Variants in TMEM80 observed in about 807,000 individuals in gnomAD.
TMEM80 encodes transmembrane protein 80.
TMEM80 carries 16 observed loss-of-function variants against 13.6 expected under a neutral mutation model. The ratio of observed to expected loss-of-function variants is 1.17; its 90% CI spans 0.79 to 1.78. The LOEUF (loss-of-function observed/expected upper bound fraction) is 1.78. TMEM80 is among the 40% of genes most tolerant of loss of function. The pLI, the probability that TMEM80 is intolerant of heterozygous loss-of-function variation, is 0.00. For synonymous variants in TMEM80, 92 were observed against 89.5 expected, an observed-to-expected ratio of 1.03 and a Z score of -0.16; for missense variants, 167 against 184.6, an observed-to-expected ratio of 0.90 and a Z score of 0.55.
chr11:696,577 C>G (rs1165137565), intron 1 of TMEM80, among the ~76,000 whole-genome samples: 1 of 151,914 alleles, frequency 6.6e-6, no homozygotes, highest in Non-Finnish European at 1.5e-5. Flanking sequence ...CCAGCCTGGG[C>G]AACATAGCAA....
chr11:695,722 C>T (rs757801113), upstream of TMEM80: 6 of 1,240,370 alleles, frequency 4.8e-6, no homozygotes, highest in South Asian at 3.8e-5. Flanking sequence ...AAACGCGGCG[C>T]GGTCGGGCCC....
In TMEM80 at chr11:700,222, G is replaced by A; in HGVS notation, c.120G>A (p.Met40Ile). The change falls in exon 3 of 5, where the codon ATG becomes ATA. Residue 40 changes from methionine (M) to isoleucine (I), a missense_variant. Physicochemically the swap from Met to Ile is conservative, Grantham distance 10 (BLOSUM62 1). Coordinates refer to ENST00000397510, the MANE Select transcript of TMEM80 (RefSeq NM_001042463.3). ...YALYFLATLLMITYKSQVFSY... is the reference protein window; with the variant it reads ...YALYFLATLLIITYKSQVFSY... ...TGTATTTCCTCGCCACGCTCCTGATGATCACGTATAAAAGTAAGTCAGGGA... is the reference window on the plus strand; with the variant it reads ...TGTATTTCCTCGCCACGCTCCTGATAATCACGTATAAAAGTAAGTCAGGGA... 6.2e-7 allele frequency: 1 copy of A among 1,613,646 alleles called. No individual in the cohort carries two copies. The highest frequency in any genetic ancestry group is 8.5e-7 in the Non-Finnish European group (1 of 1,179,876).
At chr11:698,954 C>G in intron 2 of TMEM80, 66 bp downstream of exon 2, 1 of 1,595,262 alleles carries the variant, frequency 6.3e-7, no homozygotes, top group Non-Finnish European at 8.6e-7. Flanking sequence ...ACAGAGAGCA[C>G]TCGGCCTCAC....
Position 703,658 on chromosome 11 carries a change from G to C in TMEM80, c.*508G>C. ...AGACGCAGGATGGGGTAGGCCTTGT[G>C]CTCTGAGCAACCCCAGCTCTGCCTC... On this transcript the variant is annotated 3_prime_UTR_variant, in exon 5 of 5. Coordinates refer to ENST00000397510, the MANE Select transcript of TMEM80 (RefSeq NM_001042463.3). The C allele has an allele frequency of 1.6e-6, 2 of 1,232,644 alleles. No homozygotes were observed. The highest frequency in any genetic ancestry group is 8.2e-5 in the South Asian group (2 of 24,422). 76.4% of individuals were successfully genotyped at this position (1,232,644 alleles called of 1,614,324 possible). A position where few individuals can be genotyped will look rare whatever the true frequency, so the allele number is the denominator to read the frequency against.
At chr11:704,564 T>A, downstream of TMEM80, 1 of 1,289,162 alleles carries the variant, frequency 7.8e-7, no homozygotes, top group Non-Finnish European at 1.0e-6. Context: ...ACACCTGCCA[T>A]CTGGAGGACC....
chr11:697,015 T>TG lies in TMEM80; in HGVS notation c.19+1177dup, dbSNP rs1354368440. Among the ~76,000 whole-genome samples the TG allele has an allele frequency of 9.9e-3, 722 of 73,154 alleles. 6 individuals are homozygous for TG. The highest frequency in any genetic ancestry group is 0.034 in the African/African-American group (651 of 19,432). The allele number at this position is 73,154 out of a possible 152,430, so 48.0% of individuals were successfully genotyped here. Reference sequence around the variant, plus strand: ...AATTGCTCGAACCCGGTGGTGGTGGTGGGGGGGGTGGGGTGCGGAGGTTGC... The same window carrying TG: ...AATTGCTCGAACCCGGTGGTGGTGGTGGGGGGGGGTGGGGTGCGGAGGTTGC... On this transcript the variant is annotated intron_variant, in intron 1 of 4. Coordinates refer to ENST00000397510, the MANE Select transcript of TMEM80 (RefSeq NM_001042463.3).
intron 1 of TMEM80, among the ~76,000 whole-genome samples, chr11:696,767 CAAAAA>C (rs61034313): frequency 3.0e-3 from 352 of 116,084 alleles, no homozygotes; most frequent in South Asian, 6.8e-3. Context: ...CCCCCTTCTA[CAAAAA>C]AAAAATTAAA....
rs759571254 is a variant in TMEM80 at position 702,979 on chromosome 11, G to A, written c.261G>A (p.Pro87=). 80 of 1,610,058 alleles carry A rather than the reference G, an allele frequency of 5.0e-5. No individual in the cohort carries two copies. Among genetic ancestry groups the A allele is most frequent in the South Asian group, 3.6e-4 (33 of 90,854 alleles). ...GCAACCTGACAGAGGCTGAGAGGCC[G>A]CTGGCCGCCAGCCTGGCCCTCACGG... ...TRGNLTEAER[P]LAASLALTAG... is the part of the protein sequence containing the mutation. The change falls in exon 5 of 5, where the codon CCG becomes CCA. Residue 87 remains proline, a synonymous_variant. Coordinates refer to ENST00000397510, the MANE Select transcript of TMEM80 (RefSeq NM_001042463.3).
chr11:699,866 C>G (rs1379898778), intron 2 of TMEM80: 2 of 433,986 alleles, frequency 4.6e-6, no homozygotes, highest in Non-Finnish European at 8.3e-6. Context: ...CCTGACCAGT[C>G]CTGTCCACAG....
At position 700,706 on chromosome 11, in the gene TMEM80, G is replaced by A; in HGVS notation, c.225G>A (p.Leu75=). The stretch of plus-strand genomic sequence containing the variant: ...TTCTAGAAGCAGTTCGGTTATACCT[G>A]GGTGAGTGGACTGTTAACACCGTGA... ...MGILEAVRLY[L]GTRGNLTEAE... The change falls in exon 4 of 5, where the codon CTG becomes CTA. Residue 75 remains leucine (L), a splice_region_variant and synonymous_variant. Transcript: ENST00000397510. 1 of 1,613,616 alleles carries A rather than the reference G, an allele frequency of 6.2e-7. No homozygotes were observed. The highest frequency in any genetic ancestry group is 8.5e-7 in the Non-Finnish European group (1 of 1,179,542).
chr11:699,041 A>G (rs1861327530), intron 2 of TMEM80, 153 bp downstream of exon 2: 1 of 896,464 alleles, frequency 1.1e-6, no homozygotes, highest in Admixed American at 1.9e-5. Context: ...TAGAGAGTTG[A>G]TGTAACTTCC....
intron 3 of TMEM80, 123 bp downstream of exon 3, chr11:700,358 C>A: frequency 1.1e-6 from 1 of 933,350 alleles, no homozygotes; most frequent in Non-Finnish European, 1.6e-6. Context: ...GAAACCCCAT[C>A]TCTACTAAAA....
chr11:696,377 G>T (rs991425969), intron 1 of TMEM80, among the ~76,000 whole-genome samples: 4 of 152,200 alleles, frequency 2.6e-5, no homozygotes, highest in African/African-American at 9.6e-5. Context: ...CTTCGTGCGT[G>T]TTCTCTAGTA....
rs759535151 is a variant in TMEM80 at position 703,103 on chromosome 11, C to T, written c.385C>T (p.Leu129=). Residue 129 remains leucine, a synonymous_variant, in exon 5 of 5, where the codon CTG becomes TTG. Transcript: ENST00000397510. ...LSATLLALHG[L]EAVLQVVAIA... is the part of the protein sequence containing the mutation. ...CGCCACGCTCCTGGCCCTTCACGGC[C>T]TGGAGGCCGTCCTGCAGGTGGTTGC... 1.2e-6 allele frequency: 2 copies of T among 1,611,232 alleles called. No individual in the cohort carries two copies. Among genetic ancestry groups the T allele is most frequent in the South Asian group, 2.2e-5 (2 of 90,826 alleles).
downstream of TMEM80, chr11:704,993 G>A (rs529247811): frequency 3.9e-6 from 1 of 255,398 alleles, no homozygotes; most frequent in Non-Finnish European, 7.8e-6. Flanking sequence ...ATCACGGCAG[G>A]TTCCTGGAGA....
chr11:698,788 G>C (rs1861313673), intron 1 of TMEM80, 81 bp from the exon 2 acceptor site: 2 of 1,509,210 alleles, frequency 1.3e-6, no homozygotes, highest in Non-Finnish European at 1.8e-6. Context: ...AAGCAGGGGT[G>C]GTTCCTGTCA....
chr11:700,403 T>C (rs1861394991), intron 3 of TMEM80, among the ~76,000 whole-genome samples, 168 bp downstream of exon 3: 1 of 151,782 alleles, frequency 6.6e-6, no homozygotes, highest in Non-Finnish European at 1.5e-5. Context: ...GGTGGGCGCC[T>C]GTAGTCCCAG....
At position 700,195 on chromosome 11, in the gene TMEM80, C is replaced by T; in HGVS notation, c.93C>T (p.Ala31=). The T allele has an allele frequency of 6.2e-7, 1 of 1,614,116 alleles. No individual in the cohort carries two copies. Among genetic ancestry groups the T allele is most frequent in the Middle Eastern group, 1.6e-4 (1 of 6,062 alleles). Residue 31 remains alanine, a synonymous_variant, in exon 3 of 5, where the codon GCC becomes GCT. Transcript: ENST00000397510. Reference sequence around the variant, plus strand: ...TTTATCTCAGCGGAACGTACTACGCCCTGTATTTCCTCGCCACGCTCCTGA... The same window carrying T: ...TTTATCTCAGCGGAACGTACTACGCTCTGTATTTCCTCGCCACGCTCCTGA... ...MLFYLSGTYY[A]LYFLATLLMI...
At chr11:697,777 G>A (rs1370516513) in intron 1 of TMEM80, 3 of 152,262 alleles carry the variant, frequency 2.0e-5, no homozygotes, top group African/African-American at 7.2e-5. Flanking sequence ...GATGCGGCGT[G>A]GTCTGCCGTG....
Sources: allele counts gnomAD v4.1 joint callset (sites outside exome capture counted in the v4.1 genomes callset), GRCh38; gene constraint gnomAD v4.1.1; transcripts MANE v1.5; gene names NCBI Gene and HGNC (gene_info 2026-07-23, HGNC 2026-07-21).